Variants in OSBPL10 observed in about 807,000 individuals in gnomAD.
The protein encoded by OSBPL10 is oxysterol-binding protein-related protein 10.
Under a neutral mutation model 81.7 loss-of-function variants are expected in OSBPL10, and 49 were observed. The ratio of observed to expected loss-of-function variants is 0.60; its 90% CI spans 0.48 to 0.76. The LOEUF (loss-of-function observed/expected upper bound fraction) is 0.76, where lower values mean the gene tolerates loss of function less well. Among genes scored for constraint, OSBPL10 ranks in the 30% least tolerant of loss-of-function variants. OSBPL10 has a pLI of 0.00. For missense variants in OSBPL10, 923 were observed against 987.8 expected, an observed-to-expected ratio of 0.93 and a Z score of 0.88; for synonymous variants, 419 against 383.6, an observed-to-expected ratio of 1.09 and a Z score of -1.08.
intron 1 of OSBPL10, among the ~76,000 whole-genome samples, chr3:32,076,371 A>G (rs908496476): frequency 9.2e-5 from 14 of 151,910 alleles, no homozygotes; most frequent in African/African-American, 3.4e-4. Context: ...CCATCTCAAA[A>G]AAAAAAAAAG....
intron 4 of OSBPL10, among the ~76,000 whole-genome samples, chr3:31,755,683 G>A (rs1026965767): frequency 6.6e-6 from 1 of 152,236 alleles, no homozygotes; most frequent in Non-Finnish European, 1.5e-5. Flanking sequence ...GAACAAAAGA[G>A]TGGTTGAAAG....
intron 4 of OSBPL10, among the ~76,000 whole-genome samples, chr3:31,762,629 C>CCTTTTTTTTTTTTTTTTTTTTTTTTTTTT (rs1491572896): frequency 5.8e-5 from 1 of 17,238 alleles, no homozygotes; most frequent in Non-Finnish European, 8.9e-5. Flanking sequence ...CCATGCCCAG[C>CCTTTTTTTTTTTTTTTTTTTTTTTTTTTT]ATTTTTTTTT....
At chr3:31,965,760 TAA>T (rs1209600525) in intron 1 of OSBPL10, among the ~76,000 whole-genome samples, 12 of 56,874 alleles carry the variant, frequency 2.1e-4, no homozygotes, top group African/African-American at 5.4e-4. Context: ...TATATTATAT[TAA>T]AAGATAATAT....
At chr3:31,781,652 C>T (rs1698699241) in intron 4 of OSBPL10, among the ~76,000 whole-genome samples, 1 of 152,190 alleles carries the variant, frequency 6.6e-6, no homozygotes, top group Admixed American at 6.5e-5. Context: ...CACTGCCATA[C>T]ACCAACAGCA....
chr3:31,950,745 C>T (rs1366309787), intron 1 of OSBPL10, among the ~76,000 whole-genome samples: 1 of 152,170 alleles, frequency 6.6e-6, no homozygotes, highest in Non-Finnish European at 1.5e-5. Context: ...TGAGTTCTCA[C>T]TCTGTTAGTT....
chr3:31,746,317 G>C (rs1697516687), intron 5 of OSBPL10, among the ~76,000 whole-genome samples: 1 of 152,162 alleles, frequency 6.6e-6, no homozygotes, highest in Non-Finnish European at 1.5e-5. Flanking sequence ...TGCGTTGTCT[G>C]TCATCCGAGA....
At chr3:31,916,629 A>G (rs907925524) in intron 1 of OSBPL10, among the ~76,000 whole-genome samples, 1 of 152,236 alleles carries the variant, frequency 6.6e-6, no homozygotes, top group African/African-American at 2.4e-5. Flanking sequence ...TCAATACAGT[A>G]AAAATGTAAA....
chr3:31,959,853 T>C (rs1474592586), intron 1 of OSBPL10, among the ~76,000 whole-genome samples: 1 of 152,116 alleles, frequency 6.6e-6, no homozygotes, highest in Non-Finnish European at 1.5e-5. Flanking sequence ...TGAAAGAAAA[T>C]GTTAGCCTCC....
chr3:31,870,108 G>A (rs1246086358), intron 3 of OSBPL10, among the ~76,000 whole-genome samples: 6 of 152,242 alleles, frequency 3.9e-5, no homozygotes, highest in Admixed American at 2.0e-4. Flanking sequence ...TCAGCTTGCA[G>A]GGAGGTGTGG....
At chr3:31,716,122 C>G (rs1191792749) in intron 6 of OSBPL10, among the ~76,000 whole-genome samples, 1 of 152,156 alleles carries the variant, frequency 6.6e-6, no homozygotes, top group Non-Finnish European at 1.5e-5. Context: ...AAATACAAGT[C>G]TAGGGCCCCC....
chr3:31,752,732 A>C (rs1158127558), intron 4 of OSBPL10, among the ~76,000 whole-genome samples: 4 of 152,218 alleles, frequency 2.6e-5, no homozygotes, highest in African/African-American at 7.2e-5. Flanking sequence ...CAAGAAGATA[A>C]GGGCCTCATT....
At chr3:31,788,063 T>TCC (rs1698903762) in intron 4 of OSBPL10, among the ~76,000 whole-genome samples, 2 of 152,184 alleles carry the variant, frequency 1.3e-5, no homozygotes. Context: ...TGCTAATACT[T>TCC]CCCAAAGGAC....
rs564940554 is a variant in OSBPL10, at chr3:31,822,777, A to AGT, written c.729+7261_729+7262dup. On this transcript the variant is annotated intron_variant, in intron 4 of 11. Coordinates refer to ENST00000396556, the MANE Select transcript of OSBPL10 (RefSeq NM_017784.5). ...ACTTTAAAAAAAATTAGCCAGGTATAGTGGCATATGCCTATACTCCTAGCT... is the reference window on the plus strand; with the variant it reads ...ACTTTAAAAAAAATTAGCCAGGTATAGTGTGGCATATGCCTATACTCCTAGCT... 3.2e-3 allele frequency among the ~76,000 whole-genome samples: 486 copies of AGT among 151,960 alleles called. 5 individuals are homozygous for AGT. The highest frequency in any genetic ancestry group is 0.011 in the African/African-American group (441 of 41,464).
chr3:31,805,866 G>A (rs1276689803), intron 4 of OSBPL10, among the ~76,000 whole-genome samples: 2 of 152,182 alleles, frequency 1.3e-5, no homozygotes, highest in African/African-American at 2.4e-5. Flanking sequence ...TAACGATGAC[G>A]ATGGTAGCAG....
chr3:31,745,428 A>G (rs1697490965), intron 5 of OSBPL10, among the ~76,000 whole-genome samples: 1 of 152,224 alleles, frequency 6.6e-6, no homozygotes, highest in Non-Finnish European at 1.5e-5. Context: ...TGTTTGGGGA[A>G]TTTGAAGAAG....
Position 31,730,072 on chromosome 3 carries a change from G to A in OSBPL10, c.1095+3185C>T, listed in dbSNP as rs1696923764. Reference sequence around the variant, plus strand: ...AAAGTTAAGAGAGTGGCCGGGCACGGTGGCTCACGCCTGTAATCCCAACAC... The same window carrying A: ...AAAGTTAAGAGAGTGGCCGGGCACGATGGCTCACGCCTGTAATCCCAACAC... On this transcript the variant is annotated intron_variant, in intron 6 of 11. Transcript: ENST00000396556. Among the ~76,000 whole-genome samples, 3 of 152,202 alleles carry A rather than the reference G, an allele frequency of 2.0e-5. No individual in the cohort carries two copies. In the South Asian group the frequency reaches 6.2e-4, roughly 31 times the overall value.
At chr3:31,958,790 G>T (rs1451969571) in intron 1 of OSBPL10, among the ~76,000 whole-genome samples, 2 of 152,104 alleles carry the variant, frequency 1.3e-5, no homozygotes, top group African/African-American at 2.4e-5. Flanking sequence ...ACTTATTTTA[G>T]CAAATAAGGT....
intron 1 of OSBPL10, among the ~76,000 whole-genome samples, chr3:31,970,504 A>T (rs534554840): frequency 1.5e-3 from 221 of 152,332 alleles, no homozygotes; most frequent in African/African-American, 5.2e-3. Context: ...TTACATCCAG[A>T]TTATAATCTC....
chr3:31,917,862 G>C (rs1000591710), intron 1 of OSBPL10, among the ~76,000 whole-genome samples: 5 of 151,574 alleles, frequency 3.3e-5, no homozygotes, highest in African/African-American at 1.2e-4. Flanking sequence ...GAGAGAAACA[G>C]ATACTTAAAA....
Sources: gnomAD v4.1 joint callset for allele counts (sites outside exome capture counted in the v4.1 genomes callset) on GRCh38, gnomAD v4.1.1 for gene constraint, MANE v1.5 for transcripts, NCBI Gene and HGNC (gene_info 2026-07-23, HGNC 2026-07-21) for gene names.